Variants in ZNF804B observed in about 807,000 individuals in gnomAD.
The protein encoded by ZNF804B is zinc finger 804B.
ZNF804B carries 80 observed loss-of-function variants against 101.4 expected under a neutral mutation model. That is an observed-to-expected ratio of 0.79 (90% CI 0.66 to 0.95). ZNF804B has a LOEUF of 0.95. ZNF804B is among the 40% of genes least tolerant of loss of function. ZNF804B has a pLI of 0.00. For missense variants in ZNF804B, 1,673 were observed against 1,561.9 expected, an observed-to-expected ratio of 1.07 and a Z score of -1.20; for synonymous variants, 622 against 558.8, an observed-to-expected ratio of 1.11 and a Z score of -1.59.
chr7:88,794,661 A>C, intron 1 of ZNF804B: 1 of 1,613,850 alleles, frequency 6.2e-7, no homozygotes, highest in Non-Finnish European at 8.5e-7. Context: ...GCAGAATGGA[A>C]GTGGGATAGA....
At chr7:89,272,493 A>G (rs1789913918) in intron 2 of ZNF804B, among the ~76,000 whole-genome samples, 2 of 152,260 alleles carry the variant, frequency 1.3e-5, no homozygotes, top group African/African-American at 4.8e-5. Context: ...ACTATGGGAA[A>G]ATCATTAGAA....
At chr7:89,282,616 G>A (rs1790117492) in intron 2 of ZNF804B, among the ~76,000 whole-genome samples, 1 of 152,148 alleles carries the variant, frequency 6.6e-6, no homozygotes, top group Non-Finnish European at 1.5e-5. Flanking sequence ...TGGAAAAATG[G>A]TCTTTGCTGC....
chr7:89,116,444 T>G (rs542634481), intron 1 of ZNF804B, among the ~76,000 whole-genome samples: 1 of 152,144 alleles, frequency 6.6e-6, no homozygotes, highest in Admixed American at 6.5e-5. Context: ...ATTTCTATAT[T>G]TGTCCCTTAG....
chr7:88,988,959 T>G (rs1373915964), intron 1 of ZNF804B, among the ~76,000 whole-genome samples: 3 of 152,094 alleles, frequency 2.0e-5, no homozygotes, highest in Non-Finnish European at 4.4e-5. Context: ...TGCAAAATAC[T>G]GATGCCCAGA....
intron 1 of ZNF804B, among the ~76,000 whole-genome samples, chr7:89,027,124 G>T (rs1374913354): frequency 6.6e-6 from 1 of 152,022 alleles, no homozygotes; most frequent in African/African-American, 2.4e-5. Context: ...TAGAATAATA[G>T]ATCAAAGAAA....
At chr7:88,852,519 A>C (rs1791462886) in intron 1 of ZNF804B, among the ~76,000 whole-genome samples, 1 of 152,096 alleles carries the variant, frequency 6.6e-6, no homozygotes, top group African/African-American at 2.4e-5. Context: ...GACTCAGATT[A>C]AAAATGACTG....
In ZNF804B at chr7:89,239,572, A is replaced by G. The variant is rs140802090; in HGVS notation, c.249+21277A>G. 7.0e-4 allele frequency among the ~76,000 whole-genome samples: 106 copies of G among 152,266 alleles called. No individual in the cohort carries two copies. In the East Asian group the frequency reaches 0.01, roughly 15 times the overall value. On this transcript the variant is annotated intron_variant, in intron 2 of 3. Coordinates refer to ENST00000333190, the MANE Select transcript of ZNF804B (RefSeq NM_181646.5). The stretch of plus-strand genomic sequence containing the variant: ...TTCTGAACATGTAAGGAACTTATCA[A>G]TTGAATATAAAATTAAGCTACTTAA...
At chr7:88,845,970 A>G (rs1024295460) in intron 1 of ZNF804B, among the ~76,000 whole-genome samples, 1 of 152,246 alleles carries the variant, frequency 6.6e-6, no homozygotes, top group Admixed American at 6.5e-5. Flanking sequence ...GGGGAGAAAG[A>G]GAGAAATCAT....
chr7:89,000,855 G>T (rs953096479), intron 1 of ZNF804B, among the ~76,000 whole-genome samples: 5 of 149,188 alleles, frequency 3.4e-5, no homozygotes, highest in South Asian at 2.1e-4. Flanking sequence ...TATATATATA[G>T]AGAGATATCA....
chr7:89,021,421 A>G (rs981682698), intron 1 of ZNF804B, among the ~76,000 whole-genome samples: 1 of 152,092 alleles, frequency 6.6e-6, no homozygotes, highest in African/African-American at 2.4e-5. Context: ...GGCTAGGGCC[A>G]CTGTTGCTTG....
chr7:89,104,365 G>A (rs1790103452), intron 1 of ZNF804B, among the ~76,000 whole-genome samples: 1 of 151,864 alleles, frequency 6.6e-6, no homozygotes, highest in African/African-American at 2.4e-5. Context: ...ATCTGGTCCT[G>A]GGCATTTTTT....
chr7:89,261,819 A>G (rs1222637531), intron 2 of ZNF804B, among the ~76,000 whole-genome samples: 1 of 152,174 alleles, frequency 6.6e-6, no homozygotes, highest in Non-Finnish European at 1.5e-5. Flanking sequence ...GTATTATGGG[A>G]CCATTGTTGT....
intron 1 of ZNF804B, among the ~76,000 whole-genome samples, chr7:88,942,501 AGTGTGTGTGT>A (rs72429940): frequency 2.3e-5 from 2 of 86,916 alleles, no homozygotes; most frequent in African/African-American, 7.1e-5. Context: ...TATTTGAGTG[AGTGTGTGTGT>A]GTGTGTGTGT....
intron 2 of ZNF804B, among the ~76,000 whole-genome samples, chr7:89,312,169 A>T (rs1427021253): frequency 6.6e-6 from 1 of 152,044 alleles, no homozygotes; most frequent in African/African-American, 2.4e-5. Context: ...GTTATAAAGA[A>T]TTTTTTCTTT....
intron 1 of ZNF804B, among the ~76,000 whole-genome samples, chr7:89,164,234 T>C (rs1438342605): frequency 2.6e-5 from 4 of 152,066 alleles, no homozygotes; most frequent in Admixed American, 2.6e-4. Context: ...TCTTGACTAT[T>C]ACCATCTTGT....
At chr7:89,182,530 G>A (rs994091718) in intron 1 of ZNF804B, among the ~76,000 whole-genome samples, 4 of 152,070 alleles carry the variant, frequency 2.6e-5, no homozygotes, top group Admixed American at 6.6e-5. Flanking sequence ...ATTATCAGAA[G>A]CACAATTTTG....
At chr7:89,323,447 A>G (rs918979646) in intron 2 of ZNF804B, among the ~76,000 whole-genome samples, 1 of 152,180 alleles carries the variant, frequency 6.6e-6, no homozygotes, top group Admixed American at 6.6e-5. Context: ...TATTTATCCT[A>G]TGAATGTGAA....
At chr7:89,072,747 G>A (rs1209687489) in intron 1 of ZNF804B, among the ~76,000 whole-genome samples, 2 of 152,062 alleles carry the variant, frequency 1.3e-5, no homozygotes, top group Non-Finnish European at 2.9e-5. Context: ...GAATTATAAA[G>A]GTTATTTTTG....
At chr7:89,106,914 G>C (rs535734406) in intron 1 of ZNF804B, among the ~76,000 whole-genome samples, 1 of 152,224 alleles carries the variant, frequency 6.6e-6, no homozygotes, top group Non-Finnish European at 1.5e-5. Flanking sequence ...GTAAGATGAT[G>C]AATTTGGTTT....
Sources: gnomAD v4.1 joint callset for allele counts (sites outside exome capture counted in the v4.1 genomes callset) on GRCh38, gnomAD v4.1.1 for gene constraint, MANE v1.5 for transcripts, NCBI Gene and HGNC (gene_info 2026-07-23, HGNC 2026-07-21) for gene names.